Variants in ZEB2 observed in about 807,000 individuals in gnomAD.
ZEB2 encodes zinc finger E-box binding homeobox 2.
In ZEB2, 6 loss-of-function variants were observed where a neutral mutation model predicts 99.9. That is an observed-to-expected ratio of 0.06 (90% CI 0.03 to 0.12). The LOEUF (loss-of-function observed/expected upper bound fraction) is 0.12, where lower values mean the gene tolerates loss of function less well. Ranked by LOEUF, ZEB2 falls within the 10% of genes least tolerant of loss-of-function variation. ZEB2 has a pLI of 1.00. For synonymous variants in ZEB2, 517 were observed against 542.5 expected (o/e 0.95, Z 0.65); for missense variants, 969 against 1,502.8 (o/e 0.64, Z 5.87).
Position 144,400,141 on chromosome 2 carries a change from T to A in ZEB2, c.1046A>T (p.Lys349Met). The change falls in exon 8 of 10, where the codon AAG becomes ATG. Residue 349 changes from lysine (K) to methionine (M), a missense_variant. Physicochemically the swap from Lys to Met is moderately conservative, Grantham distance 95. Coordinates refer to ENST00000627532, the MANE Select transcript of ZEB2 (RefSeq NM_014795.4). Reference protein sequence around the residue: ...SVNGRMRNNIKTGSSPNSVSS... With the variant: ...SVNGRMRNNIMTGSSPNSVSS... ...AACAGAATTAGGGGAAGAACCCGTC[T>A]TGATATTGTTTCTCATTCGGCCATT... The A allele has an allele frequency of 5.0e-6, 8 of 1,614,000 alleles. No homozygotes were observed. Among genetic ancestry groups the A allele is most frequent in the Non-Finnish European group, 5.9e-6 (7 of 1,179,860 alleles).
intron 2 of ZEB2, among the ~76,000 whole-genome samples, chr2:144,483,791 C>G (rs928613419): frequency 2.6e-5 from 4 of 152,166 alleles, no homozygotes; most frequent in African/African-American, 9.7e-5. Flanking sequence ...CTTTGCTGAA[C>G]TATTCCTGCC....
intron 9 of ZEB2, among the ~76,000 whole-genome samples, chr2:144,393,789 A>T (rs1362618487): frequency 6.6e-6 from 1 of 152,244 alleles, no homozygotes; most frequent in Non-Finnish European, 1.5e-5. Flanking sequence ...GAAGATAATT[A>T]ATCACAAGTT....
chr2:144,462,389 G>GCAAAAACAAAA (rs1162350075), intron 2 of ZEB2: 4 of 151,816 alleles, frequency 2.6e-5, no homozygotes, highest in African/African-American at 9.7e-5. Flanking sequence ...CCCCTCCCCA[G>GCAAAAACAAAA]CAAAAACAAA....
chr2:144,443,138 T>C (rs1703937933), intron 2 of ZEB2, among the ~76,000 whole-genome samples: 1 of 152,080 alleles, frequency 6.6e-6, no homozygotes, highest in Non-Finnish European at 1.5e-5. Context: ...TTTCAAAAAA[T>C]AGATCATTGA....
At chr2:144,390,061 G>C in intron 9 of ZEB2, 33 bp from the exon 10 acceptor site, 1 of 1,595,584 alleles carries the variant, frequency 6.3e-7, no homozygotes, top group Non-Finnish European at 8.5e-7. Flanking sequence ...AGGGTGATTA[G>C]TGTCTTTGCA....
chr2:144,487,877 C>T (rs1156453558), intron 2 of ZEB2, among the ~76,000 whole-genome samples: 4 of 152,200 alleles, frequency 2.6e-5, no homozygotes, highest in Admixed American at 2.6e-4. Flanking sequence ...CAAAGTTGAA[C>T]TTTTATAAAA....
intron 4 of ZEB2, among the ~76,000 whole-genome samples, chr2:144,413,838 T>C (rs1469095059): frequency 2.0e-5 from 3 of 152,206 alleles, no homozygotes; most frequent in East Asian, 1.9e-4. Context: ...CTGTTACTGA[T>C]ATAAGAAAGC....
In ZEB2 at chr2:144,473,822, A is replaced by G. The variant is rs140117956; in HGVS notation, c.73+43456T>C. Reference sequence around the variant, plus strand: ...CACCCAGGCTTTATCTACTTTGGGTATAACAGCAGACCAATTCATGGTTTA... The same window carrying G: ...CACCCAGGCTTTATCTACTTTGGGTGTAACAGCAGACCAATTCATGGTTTA... On this transcript the variant is annotated intron_variant, in intron 2 of 9. Coordinates refer to ENST00000627532, the MANE Select transcript of ZEB2 (RefSeq NM_014795.4). Among the ~76,000 whole-genome samples, 28 of 152,300 alleles carry G rather than the reference A, an allele frequency of 1.8e-4. No individual in the cohort carries two copies. The East Asian group carries it at 5.0e-3, about 27-fold the overall frequency.
rs1044089561 is a variant in ZEB2 at position 144,517,404 on chromosome 2, A to G, written c.-54T>C. ...CATGGACTCGGCGCCCTGCTTCGGC[A>G]GCACGCAGGCTCGATCTAGCAACCA... On this transcript the variant is annotated 5_prime_UTR_variant, in exon 2 of 10. Coordinates refer to ENST00000627532, the MANE Select transcript of ZEB2 (RefSeq NM_014795.4). 4 of 1,601,640 alleles carry G rather than the reference A, an allele frequency of 2.5e-6. No homozygotes were observed. Among genetic ancestry groups the G allele is most frequent in the Non-Finnish European group, 3.4e-6 (4 of 1,169,562 alleles).
intron 2 of ZEB2, among the ~76,000 whole-genome samples, chr2:144,465,919 C>T (rs1704265000): frequency 6.6e-6 from 1 of 152,174 alleles, no homozygotes; most frequent in African/African-American, 2.4e-5. Flanking sequence ...ATTTCTCGCT[C>T]ATCCTCTACA....
At chr2:144,494,472 T>C (rs1348443155) in intron 2 of ZEB2, 1 of 152,214 alleles carries the variant, frequency 6.6e-6, no homozygotes, top group Non-Finnish European at 1.5e-5. Flanking sequence ...TGTTAAATTG[T>C]TGTTCTCTTT....
At chr2:144,452,844 G>C (rs573177303) in intron 2 of ZEB2, among the ~76,000 whole-genome samples, 10 of 152,268 alleles carry the variant, frequency 6.6e-5, no homozygotes, top group African/African-American at 1.4e-4. Flanking sequence ...GTGGGGACAG[G>C]GGGGCTGGCT....
intron 2 of ZEB2, among the ~76,000 whole-genome samples, chr2:144,439,133 GAAA>G (rs1174940162): frequency 3.8e-5 from 3 of 79,678 alleles, no homozygotes; most frequent in Admixed American, 1.3e-4. Context: ...CTGGGAGGAA[GAAA>G]AAAAAAAAAA....
At chr2:144,433,900 A>T (rs1703805095) in intron 2 of ZEB2, among the ~76,000 whole-genome samples, 1 of 152,206 alleles carries the variant, frequency 6.6e-6, no homozygotes, top group Admixed American at 6.5e-5. Context: ...TACCTGCTGG[A>T]AAATTTCAGC....
At chr2:144,467,999 G>A (rs1367443289) in intron 2 of ZEB2, among the ~76,000 whole-genome samples, 2 of 152,174 alleles carry the variant, frequency 1.3e-5, no homozygotes, top group African/African-American at 4.8e-5. Context: ...GGAGCAGTGA[G>A]AGAGGGGATG....
intron 2 of ZEB2, among the ~76,000 whole-genome samples, chr2:144,487,590 A>G (rs1704616678): frequency 6.6e-6 from 1 of 152,260 alleles, no homozygotes; most frequent in Admixed American, 6.5e-5. Flanking sequence ...ATTTAACTTT[A>G]CAATTATATA....
At position 144,389,439 on chromosome 2, in the gene ZEB2, T is replaced by C. The variant is rs1703124647; in HGVS notation, c.*12A>G. The C allele has an allele frequency of 6.2e-7, 1 of 1,613,908 alleles. No homozygotes were observed. Among genetic ancestry groups the C allele is most frequent in the South Asian group, 1.1e-5 (1 of 91,086 alleles). On this transcript the variant is annotated 3_prime_UTR_variant, in exon 10 of 10. Transcript: ENST00000627532. This position sits in a 1 kb window ranked among gnomAD's most constrained non-coding sequence, Gnocchi z 6.8. ...GGAAAAAAAAATAGGAAGCTTAAAATGCAGTAGTTTATTACATGCCATCTT... is the reference window on the plus strand; with the variant it reads ...GGAAAAAAAAATAGGAAGCTTAAAACGCAGTAGTTTATTACATGCCATCTT...
rs1703078830 is a variant in ZEB2 at position 144,386,079 on chromosome 2, T to A, written c.*3372A>T. On this transcript the variant is annotated 3_prime_UTR_variant, in exon 10 of 10. Transcript: ENST00000627532. ...AAAAGATTGCACAGATATGCTAGAA[T>A]ACAAAAGGCTCTTGGAGAAAATGGG... 6.6e-6 allele frequency: 1 copy of A among 152,178 alleles called. No homozygotes were observed. Among genetic ancestry groups the A allele is most frequent in the Non-Finnish European group, 1.5e-5 (1 of 68,014 alleles). 9.4% of individuals were successfully genotyped at this position (152,178 alleles called of 1,614,324 possible).
At chr2:144,496,597 T>C (rs535218414) in intron 2 of ZEB2, 18 of 152,346 alleles carry the variant, frequency 1.2e-4, no homozygotes, top group African/African-American at 4.3e-4. Context: ...ATTGCCTGTG[T>C]TGCTTGTAAT....
Sources: gnomAD v4.1 joint callset for allele counts (sites outside exome capture counted in the v4.1 genomes callset) on GRCh38, gnomAD v4.1.1 for gene constraint, Gnocchi (gnomAD v3.1) non-coding constraint, MANE v1.5 for transcripts, NCBI Gene and HGNC (gene_info 2026-07-23, HGNC 2026-07-21) for gene names.